C4orf51: variants seen among roughly 807,000 people sequenced by gnomAD.
The protein encoded by C4orf51 is chromosome 4 open reading frame 51.
A neutral mutation model predicts 25.2 loss-of-function variants in C4orf51; 25 were observed. The observed-to-expected ratio is 0.99, with a 90% confidence interval of 0.72 to 1.39. C4orf51 has a LOEUF of 1.39. C4orf51 is among the 40% of genes most tolerant of loss of function. C4orf51 has a pLI of 0.00. For missense variants in C4orf51, 252 were observed against 239.6 expected, an observed-to-expected ratio of 1.05 and a Z score of -0.34; for synonymous variants, 100 against 84.5, an observed-to-expected ratio of 1.18 and a Z score of -1.01.
At chr4:145,787,793 A>G in the C4orf51 span, among the ~76,000 whole-genome samples, 1 of 152,092 alleles carries the variant, frequency 6.6e-6, no homozygotes, top group Admixed American at 6.5e-5. Context: ...GATACTTCCA[A>G]TCCAACTCCT....
At chr4:145,689,876 A>T (rs969920994) in intron 1 of C4orf51, among the ~76,000 whole-genome samples, 5 of 152,344 alleles carry the variant, frequency 3.3e-5, no homozygotes, top group Non-Finnish European at 7.3e-5. Flanking sequence ...CTCAAGATGG[A>T]TTAAAGACTT....
intron 5 of C4orf51, among the ~76,000 whole-genome samples, chr4:145,730,283 G>A (rs555753281): frequency 6.6e-6 from 1 of 152,190 alleles, no homozygotes; most frequent in Non-Finnish European, 1.5e-5. Context: ...GGTTCTGCCT[G>A]TTGTGAAAAA....
At chr4:145,740,921 C>T (rs527513159) in intron 1 of C4orf51, among the ~76,000 whole-genome samples, 1 of 152,336 alleles carries the variant, frequency 6.6e-6, no homozygotes, top group Admixed American at 6.5e-5. Flanking sequence ...TCCTCCCATT[C>T]TATCTGATGA....
At chr4:145,690,198 C>A (rs1310263348) in intron 1 of C4orf51, among the ~76,000 whole-genome samples, 1 of 147,762 alleles carries the variant, frequency 6.8e-6, no homozygotes, top group African/African-American at 2.5e-5. Flanking sequence ...CAAGAGCAAA[C>A]CTCCGTAAAA....
At chr4:145,734,349 A>G (rs942437508), downstream of C4orf51, among the ~76,000 whole-genome samples, 5 of 151,866 alleles carry the variant, frequency 3.3e-5, no homozygotes, top group African/African-American at 1.2e-4. Context: ...GGACACTCAG[A>G]AAGTGGAGGG....
intron 1 of C4orf51, among the ~76,000 whole-genome samples, chr4:145,693,822 G>C (rs1300406950): frequency 2.3e-5 from 1 of 42,988 alleles, no homozygotes; most frequent in African/African-American, 9.4e-5. Flanking sequence ...CGGACGGGGC[G>C]GCTGGCCGGG....
chr4:145,739,010 C>G (rs186977001), intron 1 of C4orf51, among the ~76,000 whole-genome samples: 1 of 152,276 alleles, frequency 6.6e-6, no homozygotes, highest in Non-Finnish European at 1.5e-5. Context: ...CTTCCCTTCC[C>G]TCACACTGTC....
intron 5 of C4orf51, 42 bp downstream of exon 5, chr4:145,730,007 G>A: frequency 6.4e-7 from 1 of 1,569,592 alleles, no homozygotes; most frequent in Non-Finnish European, 8.8e-7. Flanking sequence ...GGATCTGTGG[G>A]GTAGTCAGGA....
At chr4:145,760,926 G>T in intron 1 of C4orf51, 1 of 1,234,390 alleles carries the variant, frequency 8.1e-7, no homozygotes, top group Non-Finnish European at 1.0e-6. Context: ...TCAAGGGAAT[G>T]AGATGGGCAA....
rs918080931 is a variant in C4orf51 at position 145,700,030 on chromosome 4, C to T, written c.307+3398C>T. Among the ~76,000 whole-genome samples, 16 of 152,038 alleles carry T rather than the reference C, an allele frequency of 1.1e-4. 1 individual carries two copies. The highest frequency in any genetic ancestry group is 6.2e-4 in the South Asian group (3 of 4,826). Reference sequence around the variant, plus strand: ...CCCCCAATCCCTTATTTCTGCACCCCGACCTCTTATCTCTGTGCCCCAATC... The same window carrying T: ...CCCCCAATCCCTTATTTCTGCACCCTGACCTCTTATCTCTGTGCCCCAATC... On this transcript the variant is annotated intron_variant, in intron 2 of 5. Coordinates refer to ENST00000438731, the MANE Select transcript of C4orf51 (RefSeq NM_001080531.3).
rs146275366 is a variant in C4orf51 at position 145,727,162 on chromosome 4, C to T, written c.366+193C>T. Among the ~76,000 whole-genome samples the T allele has an allele frequency of 1.2e-3, 183 of 152,270 alleles. 1 individual carries two copies. The highest frequency in any genetic ancestry group is 3.8e-3 in the Admixed American group (58 of 15,300). On this transcript the variant is annotated intron_variant, in intron 3 of 5. Coordinates refer to ENST00000438731, the MANE Select transcript of C4orf51 (RefSeq NM_001080531.3). ...AGGAACACAACAATAACCAAGGTTA[C>T]GAATTGTGAACAACTGATGATACTG...
At chr4:145,726,537 A>C (rs988667229) in intron 2 of C4orf51, among the ~76,000 whole-genome samples, 2 of 152,084 alleles carry the variant, frequency 1.3e-5, no homozygotes, top group Admixed American at 1.3e-4. Context: ...TGGTAGCTGG[A>C]ACCCCAGGAG....
intron 1 of C4orf51, among the ~76,000 whole-genome samples, chr4:145,767,631 T>C (rs150410503): frequency 1.8e-3 from 272 of 152,310 alleles, no homozygotes; most frequent in African/African-American, 6.3e-3. Context: ...AAAGATATGT[T>C]ATGTGCACAG....
At chr4:145,686,890 T>A (rs1158217019) in intron 1 of C4orf51, among the ~76,000 whole-genome samples, 4 of 152,224 alleles carry the variant, frequency 2.6e-5, no homozygotes, top group Non-Finnish European at 5.9e-5. Flanking sequence ...TGGGAAATGC[T>A]GTTTGGAAGA....
chr4:145,785,354 T>G, the C4orf51 span, among the ~76,000 whole-genome samples: 3 of 152,172 alleles, frequency 2.0e-5, no homozygotes, highest in Non-Finnish European at 2.9e-5. Context: ...CCATCCAGCA[T>G]GCCTCCAAAA....
chr4:145,701,931 A>C (rs1362896326), intron 2 of C4orf51, among the ~76,000 whole-genome samples: 2 of 151,870 alleles, frequency 1.3e-5, no homozygotes, highest in Non-Finnish European at 2.9e-5. Context: ...CCTTCTCCCC[A>C]ACCCAAAGCC....
At chr4:145,775,835 C>T (rs147131944), downstream of C4orf51, 143 of 1,614,048 alleles carry the variant, frequency 8.9e-5, no homozygotes, top group Middle Eastern at 1.6e-4. Flanking sequence ...TCAGAGGTGA[C>T]GGCGCTGACA....
At chr4:145,779,560 AT>A in the C4orf51 span, 1 of 1,589,664 alleles carries the variant, frequency 6.3e-7, no homozygotes, top group Non-Finnish European at 8.6e-7. Flanking sequence ...ACAAGAATAC[AT>A]TTTCTGTTAG....
chr4:145,732,995 C>G (rs1732571442), downstream of C4orf51, among the ~76,000 whole-genome samples: 1 of 152,222 alleles, frequency 6.6e-6, no homozygotes, highest in Non-Finnish European at 1.5e-5. Context: ...TTCCTCCGCG[C>G]AAGGCGCCGC....
Sources: allele counts gnomAD v4.1 joint callset (sites outside exome capture counted in the v4.1 genomes callset), GRCh38; gene constraint gnomAD v4.1.1; transcripts MANE v1.5; gene names NCBI Gene and HGNC (gene_info 2026-07-23, HGNC 2026-07-21).